Variants in NCKAP1 observed in about 807,000 individuals in gnomAD.
The protein encoded by NCKAP1 is nck-associated protein 1.
Under a neutral mutation model 151.2 loss-of-function variants are expected in NCKAP1, and 21 were observed. That is an observed-to-expected ratio of 0.14 (90% CI 0.10 to 0.20). NCKAP1 has a LOEUF of 0.20. Among genes scored for constraint, NCKAP1 ranks in the 10% least tolerant of loss-of-function variants. The pLI is 1.00. For synonymous variants in NCKAP1, 484 were observed against 451.8 expected (o/e 1.07, Z -0.90); for missense variants, 933 against 1,352.1 (o/e 0.69, Z 4.86).
intron 17 of NCKAP1, 41 bp downstream of exon 17, chr2:182,964,635 C>T (rs375618025): frequency 4.1e-6 from 6 of 1,472,306 alleles, no homozygotes; most frequent in Non-Finnish European, 5.4e-6. Flanking sequence ...ATCTAGTTTA[C>T]TTTGCATACC....
At chr2:182,942,681 A>C (rs1285658869) in intron 23 of NCKAP1, among the ~76,000 whole-genome samples, 1 of 152,098 alleles carries the variant, frequency 6.6e-6, no homozygotes, top group Non-Finnish European at 1.5e-5. Flanking sequence ...ATAAAATGGA[A>C]GTATAAACTA....
intron 8 of NCKAP1, among the ~76,000 whole-genome samples, chr2:182,994,600 C>A (rs565758908): frequency 4.5e-4 from 68 of 151,562 alleles, no homozygotes; most frequent in African/African-American, 1.6e-3. Flanking sequence ...GATTGTGCCA[C>A]TGCACTCCAC....
Position 182,925,671 on chromosome 2 carries a change from A to T in NCKAP1, c.*31T>A. 3 of 1,363,238 alleles carry T rather than the reference A, an allele frequency of 2.2e-6. No homozygotes were observed. The South Asian group carries it at 4.1e-5, about 19-fold the overall frequency. 84.4% of individuals were successfully genotyped at this position (1,363,238 alleles called of 1,614,324 possible). On this transcript the variant is annotated 3_prime_UTR_variant, in exon 31 of 31. Transcript: ENST00000361354. ...TACAGGTAAAACCAAGGCAACAAAA[A>T]TGCGTGCTTATCTTGATTAAGTAGG... is the stretch of plus-strand genomic sequence containing the variant.
intron 1 of NCKAP1, among the ~76,000 whole-genome samples, chr2:183,032,575 A>T (rs1388868425): frequency 6.6e-6 from 1 of 151,202 alleles, no homozygotes; most frequent in African/African-American, 2.4e-5. Flanking sequence ...ATCTAAACAT[A>T]AAAAAAAACA....
chr2:183,023,808 T>G lies in NCKAP1; in HGVS notation c.217A>C (p.Asn73His). 1.2e-6 allele frequency: 2 copies of G among 1,602,562 alleles called. No individual in the cohort carries two copies. Among genetic ancestry groups the G allele is most frequent in the Non-Finnish European group, 1.7e-6 (2 of 1,170,942 alleles). The change falls in exon 2 of 31, where the codon AAT (asparagine) becomes CAT (histidine). Residue 73 changes from asparagine to histidine, a missense_variant and splice_region_variant. Physicochemically the swap from Asn to His is moderately conservative, Grantham distance 68 (BLOSUM62 1). This residue lies in a region of NCKAP1 where 607 missense variants were observed against 795.0 expected (regional missense o/e 0.76). Coordinates refer to ENST00000361354, the MANE Select transcript of NCKAP1 (RefSeq NM_013436.5). ...KFPAVETRNNNQQLAQLQKEK... is the reference protein window; with the variant it reads ...KFPAVETRNNHQQLAQLQKEK... ...ATAGAAAAATTTAGATAACTTACAT[T>G]GTTGTTGCGGGTTTCTACAGCAGGG...
rs781595356 is a variant in NCKAP1 at position 182,962,170 on chromosome 2, G to A, written c.1870C>T (p.Leu624Phe). Reference sequence around the variant, plus strand: ...ACTTAAATCATTACCTGGTCACTAAGGGTACACTGTTCTGTGCAAATATCA... The same window carrying A: ...ACTTAAATCATTACCTGGTCACTAAAGGTACACTGTTCTGTGCAAATATCA... Reference protein sequence around the residue: ...ITDICTEQCTLSDQLLPKHCA... With the variant: ...ITDICTEQCTFSDQLLPKHCA... The change falls in exon 18 of 31, where the codon CTT becomes TTT. Residue 624 changes from leucine to phenylalanine, a missense_variant. By Grantham distance (22) the Leu-to-Phe change is conservative. This residue lies in a region of NCKAP1 where 607 missense variants were observed against 795.0 expected (regional missense o/e 0.76). Coordinates refer to ENST00000361354, the MANE Select transcript of NCKAP1 (RefSeq NM_013436.5). The A allele has an allele frequency of 1.2e-6, 2 of 1,608,004 alleles. No individual in the cohort carries two copies. The highest frequency in any genetic ancestry group is 2.2e-5 in the South Asian group (2 of 89,788).
intron 2 of NCKAP1, among the ~76,000 whole-genome samples, chr2:183,020,482 A>AAAAAAAAAAG (rs1559109265): frequency 3.2e-5 from 4 of 125,024 alleles, no homozygotes; most frequent in African/African-American, 1.4e-4. Flanking sequence ...AAAAAAAAAG[A>AAAAAAAAAAG]AAAAAAAGAA....
At position 182,953,148 on chromosome 2, in the gene NCKAP1, A is replaced by G. The variant is rs371364215; in HGVS notation, c.2337T>C (p.His779=). Residue 779 remains histidine (H), a synonymous_variant, in exon 21 of 31, where the codon CAT becomes CAC. Transcript: ENST00000361354. ...ATAGACTTGTAATGGTTGGCTCTCCATGACTGTCTAAATGTTGTGTTTGTT... is the reference window on the plus strand; with the variant it reads ...ATAGACTTGTAATGGTTGGCTCTCCGTGACTGTCTAAATGTTGTGTTTGTT... ...LLQQTQHLDS[H]GEPTITSLYT... The G allele has an allele frequency of 1.8e-5, 29 of 1,613,364 alleles. No homozygotes were observed. Among genetic ancestry groups the G allele is most frequent in the African/African-American group, 2.7e-5 (2 of 74,916 alleles).
chr2:183,017,093 TTC>T (rs749400580), intron 2 of NCKAP1, among the ~76,000 whole-genome samples: 8 of 152,092 alleles, frequency 5.3e-5, no homozygotes, highest in Non-Finnish European at 8.8e-5. Flanking sequence ...ATAAAAAGTT[TTC>T]TGTTTAGCTT....
At chr2:182,929,464 A>G (rs1309152966) in intron 27 of NCKAP1, among the ~76,000 whole-genome samples, 2 of 147,954 alleles carry the variant, frequency 1.4e-5, no homozygotes, top group South Asian at 2.1e-4. Context: ...AGAAGACAGA[A>G]GAAGACAGAA....
chr2:182,921,913 G>A lies in NCKAP1; in HGVS notation c.*3789C>T, dbSNP rs979442008. 4 of 152,026 alleles carry A rather than the reference G, an allele frequency of 2.6e-5. No individual in the cohort carries two copies. Among genetic ancestry groups the A allele is most frequent in the African/African-American group, 9.7e-5 (4 of 41,404 alleles). 9.4% of individuals were successfully genotyped at this position (152,026 alleles called of 1,614,324 possible). ...TTCCAATTCCACAGGACCAATTAAC[G>A]AAAAACATAATTTTTGTACTACAGA... On this transcript the variant is annotated 3_prime_UTR_variant, in exon 31 of 31. Transcript: ENST00000361354.
intron 15 of NCKAP1, among the ~76,000 whole-genome samples, chr2:182,971,884 C>G (rs1697704434): frequency 6.6e-6 from 1 of 152,086 alleles, no homozygotes; most frequent in Admixed American, 6.6e-5. Context: ...AACTAGACCT[C>G]TATCTCTCAT....
chr2:183,008,170 C>T (rs548079084), intron 2 of NCKAP1, among the ~76,000 whole-genome samples: 3 of 152,182 alleles, frequency 2.0e-5, no homozygotes, highest in African/African-American at 7.2e-5. Flanking sequence ...TCAGGTGATC[C>T]GCCCGCCTCG....
chr2:182,993,805 T>G (rs1405665136), intron 8 of NCKAP1, among the ~76,000 whole-genome samples: 2 of 152,126 alleles, frequency 1.3e-5, no homozygotes, highest in Non-Finnish European at 2.9e-5. Context: ...CAAACCCCCA[T>G]GACATGCAAT....
chr2:183,014,163 C>A (rs1195256698), intron 2 of NCKAP1, among the ~76,000 whole-genome samples: 1 of 152,154 alleles, frequency 6.6e-6, no homozygotes, highest in Non-Finnish European at 1.5e-5. Context: ...CTGCTGGAAT[C>A]CTCTCTTCCA....
chr2:182,961,732 AAAAT>A (rs1226559928), intron 18 of NCKAP1, among the ~76,000 whole-genome samples: 1 of 151,994 alleles, frequency 6.6e-6, no homozygotes. Context: ...AGTATAATAA[AAAAT>A]AAATAAATAA....
At chr2:182,978,493 T>C (rs151034090) in intron 14 of NCKAP1, among the ~76,000 whole-genome samples, 3 of 152,302 alleles carry the variant, frequency 2.0e-5, no homozygotes, top group East Asian at 1.9e-4. Flanking sequence ...ATAATATATA[T>C]GTAAAGTGCC....
In NCKAP1 at chr2:182,910,948, G is replaced by GCGC. The variant is rs5836857; in HGVS notation, c.*14753_*14754insGCG. The GCGC allele has an allele frequency of 8.5e-6, 1 of 117,816 alleles. No individual in the cohort carries two copies. Among genetic ancestry groups the GCGC allele is most frequent in the Non-Finnish European group, 1.8e-5 (1 of 56,332 alleles). The allele number at this position is 117,816 out of a possible 1,614,324, so 7.3% of individuals were successfully genotyped here. A position where few individuals can be genotyped will look rare whatever the true frequency, so the allele number is the denominator to read the frequency against. On this transcript the variant is annotated 3_prime_UTR_variant, in exon 31 of 31. Coordinates refer to ENST00000361354, the MANE Select transcript of NCKAP1 (RefSeq NM_013436.5). ...CTTGGAAATAAAAATAAAATCCTAA[G>GCGC]CTCCCCCCCCACATTTGACTAAACA...
chr2:182,936,473 T>C (rs1210004850), intron 24 of NCKAP1, among the ~76,000 whole-genome samples: 1 of 152,172 alleles, frequency 6.6e-6, no homozygotes, highest in Non-Finnish European at 1.5e-5. Flanking sequence ...TATAATTCCA[T>C]TTATGTAAAC....
Sources: gnomAD v4.1 joint callset for allele counts (sites outside exome capture counted in the v4.1 genomes callset) on GRCh38, gnomAD v4.1.1 for gene constraint, gnomAD v4.1.1 regional missense constraint, MANE v1.5 for transcripts, NCBI Gene and HGNC (gene_info 2026-07-23, HGNC 2026-07-21) for gene names.